PCDHA1: variants seen among roughly 807,000 people sequenced by gnomAD.
The protein encoded by PCDHA1 is protocadherin alpha 1, also known as protocadherin alpha-1.
A neutral mutation model predicts 61.3 loss-of-function variants in PCDHA1; 42 were observed. The ratio of observed to expected loss-of-function variants is 0.69; its 90% CI spans 0.54 to 0.89. The LOEUF (loss-of-function observed/expected upper bound fraction) is 0.89. PCDHA1 is among the 40% of genes least tolerant of loss of function. The pLI is 0.00. For missense variants in PCDHA1, 1,256 were observed against 1,235.3 expected, an observed-to-expected ratio of 1.02 and a Z score of -0.25; for synonymous variants, 610 against 553.8, an observed-to-expected ratio of 1.10 and a Z score of -1.43.
At chr5:140,963,685 C>T (rs1272143166) in intron 1 of PCDHA1, among the ~76,000 whole-genome samples, 19 of 152,220 alleles carry the variant, frequency 1.2e-4, no homozygotes, top group Middle Eastern at 3.4e-3. Flanking sequence ...TGTGTTTATC[C>T]GTGTTTGATA....
intron 1 of PCDHA1, chr5:140,821,853 G>C: frequency 6.2e-7 from 1 of 1,614,206 alleles, no homozygotes; most frequent in South Asian, 1.1e-5. Flanking sequence ...GGAAGGCAGG[G>C]AGCGGCCAGC....
At chr5:140,869,344 A>G (rs540952410) in intron 1 of PCDHA1, 1 of 1,613,990 alleles carries the variant, frequency 6.2e-7, no homozygotes, top group African/African-American at 1.3e-5. Flanking sequence ...AAATCTGCAG[A>G]ATGGCATTTT....
intron 1 of PCDHA1, chr5:140,882,442 G>A (rs1554174153): frequency 6.2e-7 from 1 of 1,613,948 alleles, no homozygotes; most frequent in African/African-American, 1.3e-5. Context: ...AGCTGGCGGA[G>A]CTGGTGCCGC....
intron 1 of PCDHA1, among the ~76,000 whole-genome samples, chr5:140,844,990 A>G (rs1313324994): frequency 6.7e-6 from 1 of 149,154 alleles, no homozygotes; most frequent in Non-Finnish European, 1.5e-5. Flanking sequence ...TAAATCTTTT[A>G]ATCACTTATG....
chr5:140,968,063 G>A, intron 1 of PCDHA1: 1 of 1,614,096 alleles, frequency 6.2e-7, no homozygotes. Flanking sequence ...AGAGCGGGTG[G>A]CTGTCTACAA....
rs782697989 is a variant in PCDHA1, at chr5:140,858,434, A to G, written c.2394+69750A>G. On this transcript the variant is annotated intron_variant, in intron 1 of 3. Coordinates refer to ENST00000504120, the MANE Select transcript of PCDHA1 (RefSeq NM_018900.4). ...GTCTATTGGAGGGGACCACTCTAGGAAGGTGGGTTATTACGTTTTCATTTT... is the reference window on the plus strand; with the variant it reads ...GTCTATTGGAGGGGACCACTCTAGGGAGGTGGGTTATTACGTTTTCATTTT... 3 of 1,543,272 alleles carry G rather than the reference A, an allele frequency of 1.9e-6. No homozygotes were observed. The Admixed American group carries it at 5.9e-5, about 30-fold the overall frequency.
At chr5:140,959,883 C>T (rs535578218) in intron 1 of PCDHA1, among the ~76,000 whole-genome samples, 4 of 152,222 alleles carry the variant, frequency 2.6e-5, no homozygotes, top group South Asian at 2.1e-4. Flanking sequence ...AAGGAATACA[C>T]GAGTGGGATT....
rs140711682 is a variant in PCDHA1, at chr5:140,849,699, A to T, written c.2394+61015A>T. On this transcript the variant is annotated intron_variant, in intron 1 of 3. Coordinates refer to ENST00000504120, the MANE Select transcript of PCDHA1 (RefSeq NM_018900.4). ...CCCCTTCAAGCTGGTGTCCACCTACAAGAATTACTACTCGTTGGTGCTGGA... is the reference window on the plus strand; with the variant it reads ...CCCCTTCAAGCTGGTGTCCACCTACTAGAATTACTACTCGTTGGTGCTGGA... 57 of 1,598,608 alleles carry T rather than the reference A, an allele frequency of 3.6e-5. 2 individuals carry two copies. The African/African-American group carries it at 7.7e-4, about 21-fold the overall frequency.
intron 1 of PCDHA1, among the ~76,000 whole-genome samples, chr5:140,937,326 C>A (rs1287239556): frequency 2.0e-5 from 3 of 152,046 alleles, no homozygotes; most frequent in African/African-American, 7.2e-5. Flanking sequence ...CGTGAGCCAC[C>A]GCGCCCGGCT....
rs2150129886 is a variant in PCDHA1 at position 140,823,868 on chromosome 5, A to T, written c.2394+35184A>T. On this transcript the variant is annotated intron_variant, in intron 1 of 3. Coordinates refer to ENST00000504120, the MANE Select transcript of PCDHA1 (RefSeq NM_018900.4). ...GCTGCCCTGGTGGATGTCAACGTGTACCTGATCATCGCCATCTGTGCGGTG... is the reference window on the plus strand; with the variant it reads ...GCTGCCCTGGTGGATGTCAACGTGTTCCTGATCATCGCCATCTGTGCGGTG... 1.9e-6 allele frequency: 3 copies of T among 1,613,710 alleles called. No individual in the cohort carries two copies. The African/African-American group carries it at 4.0e-5, about 22-fold the overall frequency.
At chr5:140,869,740 A>G in intron 1 of PCDHA1, 1 of 1,613,346 alleles carries the variant, frequency 6.2e-7, no homozygotes, top group Non-Finnish European at 8.5e-7. Flanking sequence ...TTTGCTGCTA[A>G]CAGCTACAGA....
rs782525734 is a variant in PCDHA1 at position 140,884,093 on chromosome 5, T to A, written c.2395-94856T>A. 3.1e-6 allele frequency: 5 copies of A among 1,613,500 alleles called. No homozygotes were observed. In the Admixed American group the frequency reaches 8.3e-5, roughly 27 times the overall value. ...TTCGGGCTACAATGCGTGGCTTTCGTATGAATTGCAGCTGGCGGCGGTCGG... is the reference window on the plus strand; with the variant it reads ...TTCGGGCTACAATGCGTGGCTTTCGAATGAATTGCAGCTGGCGGCGGTCGG... On this transcript the variant is annotated intron_variant, in intron 1 of 3. Coordinates refer to ENST00000504120, the MANE Select transcript of PCDHA1 (RefSeq NM_018900.4).
At chr5:140,803,625 CTTTG>C in intron 1 of PCDHA1, 5 of 1,613,858 alleles carry the variant, frequency 3.1e-6, no homozygotes, top group Non-Finnish European at 4.2e-6. Flanking sequence ...TCCAAAATGT[CTTTG>C]TTTTTCATTC....
intron 1 of PCDHA1, among the ~76,000 whole-genome samples, chr5:140,800,291 G>A (rs1762536301): frequency 1.3e-5 from 2 of 151,972 alleles, no homozygotes; most frequent in South Asian, 2.1e-4. Context: ...GTAAAGGACC[G>A]ACTTCTGAAA....
intron 1 of PCDHA1, chr5:140,870,821 G>T: frequency 1.9e-6 from 3 of 1,613,736 alleles, no homozygotes; most frequent in South Asian, 1.1e-5. Context: ...GGCAGCGCGG[G>T]AGGCGCAGTT....
chr5:140,976,383 T>G (rs963492291), intron 1 of PCDHA1, among the ~76,000 whole-genome samples: 4 of 152,058 alleles, frequency 2.6e-5, no homozygotes, highest in African/African-American at 9.7e-5. Context: ...AAACCCCATC[T>G]CTACTAAAAA....
chr5:140,937,776 G>A (rs1350103217), intron 1 of PCDHA1, among the ~76,000 whole-genome samples: 1 of 151,292 alleles, frequency 6.6e-6, no homozygotes, highest in Non-Finnish European at 1.5e-5. Context: ...GTCGGGCGTG[G>A]TGGCGGGCGT....
chr5:140,787,386 AGCAC>A lies in PCDHA1; in HGVS notation c.1097_1100del (p.Ser366ThrfsTer19). The stretch of plus-strand genomic sequence containing the variant: ...GCCTATCAGAGAGGACGCTCCACTC[AGCAC>A]CGTCATCGCCCTCATCACCGTGTCT... On this transcript the variant is annotated frameshift_variant, in exon 1 of 4. Transcript: ENST00000504120. LOFTEE classifies it high-confidence loss of function. 6.2e-7 allele frequency: 1 copy of A among 1,614,220 alleles called. No individual in the cohort carries two copies. Among genetic ancestry groups the A allele is most frequent in the Non-Finnish European group, 8.5e-7 (1 of 1,180,040 alleles).
intron 1 of PCDHA1, among the ~76,000 whole-genome samples, chr5:140,938,097 A>AT (rs775272450): frequency 6.6e-6 from 1 of 151,930 alleles, no homozygotes; most frequent in Non-Finnish European, 1.5e-5. Flanking sequence ...TTATTATTGT[A>AT]TTTTTTACTT....
Sources: allele counts gnomAD v4.1 joint callset (sites outside exome capture counted in the v4.1 genomes callset), GRCh38; gene constraint gnomAD v4.1.1; transcripts MANE v1.5; gene names NCBI Gene and HGNC (gene_info 2026-07-23, HGNC 2026-07-21).